Variants in PAH observed in about 807,000 individuals in gnomAD.
The protein encoded by PAH is phenylalanine-4-hydroxylase.
PAH carries 64 observed loss-of-function variants against 62.0 expected under a neutral mutation model. The observed-to-expected ratio is 1.03, with a 90% CI of 0.84 to 1.27. The LOEUF (loss-of-function observed/expected upper bound fraction) is 1.27. PAH is among the 50% of genes most tolerant of loss of function. PAH has a pLI of 0.00. For missense variants in PAH, 579 were observed against 542.8 expected (o/e 1.07, Z -0.66); for synonymous variants, 195 against 196.2 (o/e 0.99, Z 0.05).
chr12:102,926,106 C>T (rs1878675187), intron 1 of PAH, among the ~76,000 whole-genome samples: 1 of 151,950 alleles, frequency 6.6e-6, no homozygotes, highest in African/African-American at 2.4e-5. Context: ...AATTTCACAT[C>T]CTATTAGGAA....
chr12:102,851,932 G>T lies in PAH; in HGVS notation c.843-176C>A. ...TGGGATCATAAAAGGCAGGGTACAA[G>T]GTAAAAAGAAGAAAAGGAAGGAAAA... On this transcript the variant is annotated intron_variant, in intron 7 of 12. Coordinates refer to ENST00000553106, the MANE Select transcript of PAH (RefSeq NM_000277.3). 3 of 607,168 alleles carry T rather than the reference G, an allele frequency of 4.9e-6. No individual in the cohort carries two copies. In the South Asian group the frequency reaches 5.9e-5, roughly 12 times the overall value. The allele number at this position is 607,168 out of a possible 1,614,324, so 37.6% of individuals were successfully genotyped here.
chr12:102,854,245 G>A (rs1433148426), intron 6 of PAH, among the ~76,000 whole-genome samples: 1 of 152,144 alleles, frequency 6.6e-6, no homozygotes, highest in East Asian at 1.9e-4. Context: ...TTCCTGCCAA[G>A]TAATTTCCCT....
chr12:102,950,812 C>T (rs1593008211), exon 1 of PAH: 1 of 152,276 alleles, frequency 6.6e-6, no homozygotes, highest in South Asian at 2.1e-4. Context: ...TGCGTTCCAC[C>T]CGCTTGGGGG....
chr12:102,926,569 C>G (rs1878690143), intron 1 of PAH, among the ~76,000 whole-genome samples: 1 of 150,782 alleles, frequency 6.6e-6, no homozygotes, highest in Non-Finnish European at 1.5e-5. Context: ...TAAAAAAATG[C>G]AAAAACCACA....
upstream of PAH, among the ~76,000 whole-genome samples, chr12:102,918,778 G>A (rs1242460450): frequency 6.6e-6 from 1 of 152,074 alleles, no homozygotes; most frequent in Admixed American, 6.5e-5. Flanking sequence ...AAATATTGAA[G>A]GCGAAGATCT....
At position 102,880,220 on chromosome 12, in the gene PAH, T is replaced by C. The variant is rs148625950; in HGVS notation, c.353-2670A>G. 5.1e-3 allele frequency among the ~76,000 whole-genome samples: 784 copies of C among 152,292 alleles called. 3 individuals are homozygous for C. The highest frequency in any genetic ancestry group is 7.6e-3 in the Non-Finnish European group (517 of 68,022). ...ACACTCCTCCCCAAGCTCTCCTTCC[T>C]CAGTGGGTCCAGCATTTGCGTTGTA... On this transcript the variant is annotated intron_variant, in intron 3 of 12. Transcript: ENST00000553106.
chr12:102,859,693 C>G (rs1393159130), intron 5 of PAH, among the ~76,000 whole-genome samples: 1 of 152,182 alleles, frequency 6.6e-6, no homozygotes, highest in African/African-American at 2.4e-5. Context: ...AAATGTAATC[C>G]AGCATATAAA....
chr12:102,921,131 A>G (rs1346151758), upstream of PAH, among the ~76,000 whole-genome samples: 1 of 152,206 alleles, frequency 6.6e-6, no homozygotes, highest in African/African-American at 2.4e-5. Flanking sequence ...CAGTCTACAC[A>G]CCAACCAGCA....
At chr12:102,881,977 A>T (rs1021878903) in intron 3 of PAH, among the ~76,000 whole-genome samples, 1 of 152,214 alleles carries the variant, frequency 6.6e-6, no homozygotes, top group Admixed American at 6.5e-5. Context: ...GTATATACTC[A>T]GACATGAGAT....
In PAH at chr12:102,851,778, G is replaced by C. The variant is rs747164559; in HGVS notation, c.843-22C>G. 2.5e-6 allele frequency: 4 copies of C among 1,604,556 alleles called. No homozygotes were observed. In the African/African-American group the frequency reaches 4.0e-5, roughly 16 times the overall value. The stretch of plus-strand genomic sequence containing the variant: ...GTCACTGAAAGACAGAAAGCACAGA[G>C]AGCTCGGAGGGGAGGAGGTTTAAGC... On this transcript the variant is annotated intron_variant, in intron 7 of 12. Transcript: ENST00000553106.
chr12:102,927,190 G>A (rs1036160184), intron 1 of PAH, among the ~76,000 whole-genome samples: 2 of 151,930 alleles, frequency 1.3e-5, no homozygotes, highest in Admixed American at 6.6e-5. Context: ...AAAATTCAAG[G>A]TGAAAGCTAG....
At chr12:102,907,921 A>G (rs1407983047) in intron 2 of PAH, among the ~76,000 whole-genome samples, 1 of 152,078 alleles carries the variant, frequency 6.6e-6, no homozygotes, top group Non-Finnish European at 1.5e-5. Flanking sequence ...CCCAGCCTTA[A>G]CTCAGCACTT....
At chr12:102,885,739 A>G (rs1212785706) in intron 3 of PAH, among the ~76,000 whole-genome samples, 1 of 152,078 alleles carries the variant, frequency 6.6e-6, no homozygotes, top group Non-Finnish European at 1.5e-5. Context: ...GGCCCATTCA[A>G]TTTACAGCAG....
intron 1 of PAH, chr12:102,914,002 T>C: frequency 5.0e-6 from 3 of 599,928 alleles, no homozygotes; most frequent in Admixed American, 2.8e-5. Context: ...ATGGAATAGA[T>C]GTTACATCAT....
intron 11 of PAH, 113 bp downstream of exon 11, chr12:102,843,533 G>A: frequency 1.9e-6 from 2 of 1,043,030 alleles, no homozygotes; most frequent in Non-Finnish European, 3.0e-6. Context: ...ACTGTCTATG[G>A]TACAAAGTTG....
Position 102,956,345 on chromosome 12 carries a change from G to A in PAH, c.-96+1850C>T, listed in dbSNP as rs547111507. Among the ~76,000 whole-genome samples the A allele has an allele frequency of 2.6e-5, 4 of 152,306 alleles. No individual in the cohort carries two copies. In the South Asian group the frequency reaches 6.2e-4, roughly 24 times the overall value. ...CGCGTCCCCAGACGTCCTGAAGCTG[G>A]ACGGGGTTCTGGCCAGAGAGCGCCA... On this transcript the variant is annotated intron_variant, in intron 1 of 4. Coordinates refer to the PAH transcript ENST00000551337.
intron 5 of PAH, among the ~76,000 whole-genome samples, chr12:102,857,776 A>G (rs996776407): frequency 5.3e-5 from 8 of 152,232 alleles, no homozygotes; most frequent in African/African-American, 1.9e-4. Flanking sequence ...GCAAATGCTG[A>G]GAGATTTTGT....
intron 1 of PAH, among the ~76,000 whole-genome samples, chr12:102,930,708 T>A (rs1878831228): frequency 6.6e-6 from 1 of 152,226 alleles, no homozygotes; most frequent in Non-Finnish European, 1.5e-5. Context: ...TGGGGTCTAG[T>A]TCTCTCTAAT....
At chr12:102,891,666 G>C (rs1422694079) in intron 3 of PAH, among the ~76,000 whole-genome samples, 3 of 152,162 alleles carry the variant, frequency 2.0e-5, no homozygotes. Flanking sequence ...GACTGCAAGG[G>C]TCAATGATTT....
Sources: gnomAD v4.1 joint callset for allele counts (sites outside exome capture counted in the v4.1 genomes callset) on GRCh38, gnomAD v4.1.1 for gene constraint, MANE v1.5 for transcripts, NCBI Gene and HGNC (gene_info 2026-07-23, HGNC 2026-07-21) for gene names.